The following GALNT13 variants were observed in gnomAD, a reference collection of about 807,000 sequenced individuals.
GALNT13 encodes polypeptide N-acetylgalactosaminyltransferase 13.
In GALNT13, 28 loss-of-function variants were observed where a neutral mutation model predicts 64.2. The ratio of observed to expected loss-of-function variants is 0.44; its 90% CI spans 0.32 to 0.60. GALNT13 has a LOEUF of 0.60. Among genes scored for constraint, GALNT13 ranks in the 20% least tolerant of loss-of-function variants. The pLI is 0.05. For missense variants in GALNT13, 577 were observed against 669.8 expected, an observed-to-expected ratio of 0.86 and a Z score of 1.53; for synonymous variants, 214 against 224.6, an observed-to-expected ratio of 0.95 and a Z score of 0.42.
the GALNT13 span, among the ~76,000 whole-genome samples, chr2:153,476,170 G>A: frequency 1.2e-3 from 177 of 152,300 alleles, no homozygotes; most frequent in Non-Finnish European, 1.9e-3. Flanking sequence ...CCTAGGTTGT[G>A]ATTTCTAACA....
At chr2:153,089,183 C>T in the GALNT13 span, among the ~76,000 whole-genome samples, 1 of 152,090 alleles carries the variant, frequency 6.6e-6, no homozygotes, top group Non-Finnish European at 1.5e-5. Flanking sequence ...GGTGAATTCT[C>T]TCAGCATTTG....
At chr2:153,377,069 A>G in the GALNT13 span, among the ~76,000 whole-genome samples, 1 of 152,186 alleles carries the variant, frequency 6.6e-6, no homozygotes, top group Non-Finnish European at 1.5e-5. Context: ...TAAAGCCATC[A>G]GGATGGGGCC....
chr2:153,225,844 A>C, the GALNT13 span, among the ~76,000 whole-genome samples: 8 of 152,330 alleles, frequency 5.3e-5, no homozygotes, highest in Admixed American at 3.3e-4. Context: ...ATGGTATTGC[A>C]TGTTCACAGA....
intron 3 of GALNT13, among the ~76,000 whole-genome samples, chr2:154,018,816 T>G (rs1697216136): frequency 5.2e-5 from 7 of 133,446 alleles, no homozygotes; most frequent in South Asian, 2.4e-4. Flanking sequence ...TGAAGGAGAG[T>G]GAGATGGAAG....
At chr2:154,202,577 A>G (rs1427160078) in intron 4 of GALNT13, among the ~76,000 whole-genome samples, 2 of 152,134 alleles carry the variant, frequency 1.3e-5, no homozygotes, top group African/African-American at 4.8e-5. Context: ...GAGAAAATTT[A>G]GGAGATTTTA....
At chr2:154,190,669 G>A (rs115357245) in intron 4 of GALNT13, among the ~76,000 whole-genome samples, 10 of 152,242 alleles carry the variant, frequency 6.6e-5, no homozygotes, top group Non-Finnish European at 1.5e-4. Flanking sequence ...AACACCATAA[G>A]TGCAGTTGTT....
intron 8 of GALNT13, among the ~76,000 whole-genome samples, chr2:154,260,155 C>T (rs60412954): frequency 1.3e-5 from 2 of 151,806 alleles, no homozygotes; most frequent in Non-Finnish European, 2.9e-5. Context: ...CAAAGAGTTG[C>T]GATTACAGGC....
the GALNT13 span, among the ~76,000 whole-genome samples, chr2:153,346,837 A>G: frequency 2.6e-5 from 4 of 152,160 alleles, no homozygotes; most frequent in African/African-American, 9.7e-5. Flanking sequence ...TCCCATTGTA[A>G]TTCTATATCA....
At chr2:153,704,260 T>A in the GALNT13 span, among the ~76,000 whole-genome samples, 11 of 152,172 alleles carry the variant, frequency 7.2e-5, no homozygotes, top group African/African-American at 2.4e-4. Flanking sequence ...CAAAAATGTA[T>A]GATTAAATGC....
the GALNT13 span, among the ~76,000 whole-genome samples, chr2:153,339,627 T>C: frequency 6.6e-6 from 1 of 152,152 alleles, no homozygotes; most frequent in Non-Finnish European, 1.5e-5. Context: ...ATGCAATCCA[T>C]TTGTTTATTT....
chr2:154,067,575 G>A (rs1447604309), intron 3 of GALNT13, among the ~76,000 whole-genome samples: 1 of 152,054 alleles, frequency 6.6e-6, no homozygotes, highest in Non-Finnish European at 1.5e-5. Context: ...GGTCAATTTA[G>A]CCAGAGGATA....
the GALNT13 span, among the ~76,000 whole-genome samples, chr2:153,724,879 A>T: frequency 6.6e-6 from 1 of 151,052 alleles, no homozygotes; most frequent in African/African-American, 2.5e-5. Context: ...TAGTTCAACC[A>T]TTGTGGAAGT....
chr2:154,360,571 C>T (rs1233450354), intron 9 of GALNT13, among the ~76,000 whole-genome samples: 1 of 152,096 alleles, frequency 6.6e-6, no homozygotes, highest in Non-Finnish European at 1.5e-5. Flanking sequence ...TTTTGTTTTG[C>T]TACTGGAATT....
At chr2:154,404,619 C>G (rs545135307) in intron 10 of GALNT13, among the ~76,000 whole-genome samples, 1 of 152,148 alleles carries the variant, frequency 6.6e-6, no homozygotes, top group African/African-American at 2.4e-5. Context: ...GGGAGAAGTA[C>G]TTTGCAGGTG....
the GALNT13 span, among the ~76,000 whole-genome samples, chr2:153,143,048 C>T: frequency 0.076 from 11,587 of 151,744 alleles, 588 homozygotes; most frequent in Non-Finnish European, 0.11. Context: ...AGAGGTAATC[C>T]CAGCAATGAT....
the GALNT13 span, among the ~76,000 whole-genome samples, chr2:153,815,862 A>G: frequency 2.0e-5 from 3 of 152,224 alleles, no homozygotes; most frequent in Admixed American, 2.0e-4. Context: ...CACATCAGAA[A>G]TTCTTCATTC....
At chr2:153,105,689 A>AATGTAC in the GALNT13 span, among the ~76,000 whole-genome samples, 2 of 152,170 alleles carry the variant, frequency 1.3e-5, no homozygotes, top group Non-Finnish European at 2.9e-5. Context: ...ATACAAAATC[A>AATGTAC]ATGTACAAAA....
At chr2:154,159,241 TCTC>T in intron 4 of GALNT13, among the ~76,000 whole-genome samples, 1 of 152,130 alleles carries the variant, frequency 6.6e-6, no homozygotes, top group Non-Finnish European at 1.5e-5. Flanking sequence ...TTTAAGAAAT[TCTC>T]CTGCCTCAGC....
the GALNT13 span, among the ~76,000 whole-genome samples, chr2:153,404,017 A>G: frequency 6.6e-6 from 1 of 152,208 alleles, no homozygotes; most frequent in African/African-American, 2.4e-5. Context: ...GGTCTCAGAA[A>G]TCTGTGTTTC....
Sources: gnomAD v4.1 joint callset for allele counts (sites outside exome capture counted in the v4.1 genomes callset) on GRCh38, gnomAD v4.1.1 for gene constraint, MANE v1.5 for transcripts, NCBI Gene and HGNC (gene_info 2026-07-23, HGNC 2026-07-21) for gene names.